The following C7orf78 variants were observed in gnomAD, a reference collection of about 807,000 sequenced individuals.
C7orf78 encodes the protein putative uncharacterized protein C7orf78.
the C7orf78 span, among the ~76,000 whole-genome samples, chr7:12,503,864 A>G: frequency 0.096 from 14,601 of 152,148 alleles, 864 homozygotes; most frequent in Non-Finnish European, 0.13. Context: ...AATCCCATCA[A>G]TTTGGGAGGC....
chr7:12,510,530 C>A, the C7orf78 span, among the ~76,000 whole-genome samples: 1 of 152,176 alleles, frequency 6.6e-6, no homozygotes, highest in African/African-American at 2.4e-5. Flanking sequence ...TTCTCACCAA[C>A]AGTGTATACA....
At chr7:12,495,238 G>C in the C7orf78 span, among the ~76,000 whole-genome samples, 1 of 152,116 alleles carries the variant, frequency 6.6e-6, no homozygotes, top group African/African-American at 2.4e-5. Context: ...ACTCATGAAA[G>C]TCTATTCCCT....
chr7:12,508,715 C>T, the C7orf78 span, among the ~76,000 whole-genome samples: 2 of 152,196 alleles, frequency 1.3e-5, no homozygotes, highest in Admixed American at 6.5e-5. Context: ...GAGAGCAAAG[C>T]TTCACCTGTA....
the C7orf78 span, among the ~76,000 whole-genome samples, chr7:12,510,669 C>A: frequency 6.6e-6 from 1 of 152,026 alleles, no homozygotes; most frequent in African/African-American, 2.4e-5. Context: ...TTTCATATAT[C>A]TGTTGGTCTT....
the C7orf78 span, chr7:12,522,918 G>C: frequency 2.3e-5 from 9 of 397,588 alleles, no homozygotes; most frequent in East Asian, 3.2e-4. Flanking sequence ...AGAAAATGTT[G>C]AGTACACCAT....
At chr7:12,535,619 A>C in the C7orf78 span, among the ~76,000 whole-genome samples, 1 of 152,172 alleles carries the variant, frequency 6.6e-6, no homozygotes, top group African/African-American at 2.4e-5. Flanking sequence ...GTTTTAACTC[A>C]TTTCAGAATT....
the C7orf78 span, among the ~76,000 whole-genome samples, chr7:12,523,822 G>A: frequency 1.3e-5 from 2 of 152,084 alleles, no homozygotes; most frequent in Non-Finnish European, 2.9e-5. Flanking sequence ...TAGTTAAAAA[G>A]GGATATTCTA....
chr7:12,542,122 GGATT>G, the C7orf78 span: 1 of 152,082 alleles, frequency 6.6e-6, no homozygotes, highest in Non-Finnish European at 1.5e-5. Context: ...TTTATCAAAT[GGATT>G]ATCCTATCAC....
At chr7:12,489,936 A>G in the C7orf78 span, among the ~76,000 whole-genome samples, 3 of 152,138 alleles carry the variant, frequency 2.0e-5, no homozygotes, top group African/African-American at 7.2e-5. Flanking sequence ...GGGGATCTCT[A>G]AAAGCCATGA....
the C7orf78 span, among the ~76,000 whole-genome samples, chr7:12,524,456 G>A: frequency 6.6e-6 from 1 of 152,070 alleles, no homozygotes; most frequent in South Asian, 2.1e-4. Context: ...AGATGAGGGA[G>A]GTCATGTAAA....
At chr7:12,505,965 A>C in the C7orf78 span, 4 of 152,338 alleles carry the variant, frequency 2.6e-5, no homozygotes, top group African/African-American at 9.6e-5. Flanking sequence ...TATCATAGAG[A>C]AGTGAAACAA....
At chr7:12,497,819 G>A in the C7orf78 span, among the ~76,000 whole-genome samples, 1 of 150,782 alleles carries the variant, frequency 6.6e-6, no homozygotes, top group Non-Finnish European at 1.5e-5. Context: ...AACCTCTGCA[G>A]ACTTAAATGC....
chr7:12,522,989 G>GC, the C7orf78 span: 1 of 398,060 alleles, frequency 2.5e-6, no homozygotes. Context: ...ATGTGAAAAT[G>GC]CCCCCCACAT....
chr7:12,528,914 A>G, the C7orf78 span: 1 of 398,342 alleles, frequency 2.5e-6, no homozygotes, highest in South Asian at 1.3e-4. Flanking sequence ...CATGGGTACC[A>G]GTTACCGAAA....
At chr7:12,537,546 A>G in the C7orf78 span, among the ~76,000 whole-genome samples, 1 of 152,224 alleles carries the variant, frequency 6.6e-6, no homozygotes, top group Admixed American at 6.5e-5. Context: ...AGTACTTTGG[A>G]AAAATATTTT....
At chr7:12,541,779 A>C in the C7orf78 span, 1 of 152,152 alleles carries the variant, frequency 6.6e-6, no homozygotes, top group Non-Finnish European at 1.5e-5. Context: ...GGCATATTGA[A>C]ATCAATATTT....
chr7:12,507,076 G>T, the C7orf78 span: 180 of 354,992 alleles, frequency 5.1e-4, no homozygotes, highest in African/African-American at 3.6e-3. Flanking sequence ...CGAGACGGGC[G>T]GATCAGGAGG....
At chr7:12,524,751 G>A in the C7orf78 span, among the ~76,000 whole-genome samples, 1 of 151,942 alleles carries the variant, frequency 6.6e-6, no homozygotes, top group Non-Finnish European at 1.5e-5. Context: ...GCTGAGGCAA[G>A]AGAATCGCTT....
At chr7:12,492,692 C>A in the C7orf78 span, among the ~76,000 whole-genome samples, 10 of 152,318 alleles carry the variant, frequency 6.6e-5, 1 homozygote, top group South Asian at 4.1e-4. Context: ...AAATGTTCAA[C>A]AACAGGTATC....
Sources: gnomAD v4.1 joint callset for allele counts (sites outside exome capture counted in the v4.1 genomes callset) on GRCh38, gnomAD v4.1.1 for gene constraint, MANE v1.5 for transcripts, NCBI Gene and HGNC (gene_info 2026-07-23, HGNC 2026-07-21) for gene names.